COA1: variants seen among roughly 807,000 people sequenced by gnomAD.
COA1 encodes the protein cytochrome c oxidase assembly factor 1 homolog.
In COA1, 13 loss-of-function variants were observed where a neutral mutation model predicts 16.0. That is an observed-to-expected ratio of 0.81 (90% CI 0.53 to 1.29). The LOEUF (loss-of-function observed/expected upper bound fraction) is 1.29, where lower values mean the gene tolerates loss of function less well. COA1 is among the 50% of genes most tolerant of loss of function. The pLI, the probability that COA1 is intolerant of heterozygous loss-of-function variation, is 0.00. For synonymous variants in COA1, 65 were observed against 65.7 expected (o/e 0.99, Z 0.05); for missense variants, 179 against 177.0 (o/e 1.01, Z -0.06).
intron 1 of COA1, among the ~76,000 whole-genome samples, chr7:43,726,131 C>T (rs2095612028): frequency 6.6e-6 from 1 of 151,982 alleles, no homozygotes; most frequent in African/African-American, 2.4e-5. Context: ...GCATATGAAA[C>T]ATGAACAAGA....
chr7:43,667,340 T>C (rs755103174), intron 1 of COA1, among the ~76,000 whole-genome samples: 3 of 152,222 alleles, frequency 2.0e-5, no homozygotes, highest in African/African-American at 4.8e-5. Context: ...AAAAGATTAT[T>C]TGACATGTTT....
At chr7:43,646,419 C>T in intron 3 of COA1, 1 of 377,116 alleles carries the variant, frequency 2.7e-6, no homozygotes, top group Admixed American at 3.1e-5. Flanking sequence ...CATACACAAG[C>T]ACTAACATTA....
chr7:43,709,434 T>TG (rs2095131919), intron 1 of COA1, among the ~76,000 whole-genome samples: 7 of 144,894 alleles, frequency 4.8e-5, no homozygotes, highest in African/African-American at 1.3e-4. Context: ...CTTTGTTTTA[T>TG]TGTGTGTGTG....
intron 6 of COA1, among the ~76,000 whole-genome samples, chr7:43,634,110 T>C (rs758846052): frequency 1.3e-5 from 2 of 152,196 alleles, no homozygotes; most frequent in Non-Finnish European, 2.9e-5. Context: ...TCATGATTGC[T>C]CACTGAATCT....
At chr7:43,685,277 G>C (rs1385840452) in intron 1 of COA1, among the ~76,000 whole-genome samples, 1 of 152,140 alleles carries the variant, frequency 6.6e-6, no homozygotes, top group Non-Finnish European at 1.5e-5. Flanking sequence ...CTCTGGAAGA[G>C]GCAAAGGGGT....
In COA1 at chr7:43,709,433, A is replaced by ATTGT. The variant is rs1554557739; in HGVS notation, c.-39+19992_-39+19995dup. On this transcript the variant is annotated intron_variant, in intron 1 of 5. Transcript: ENST00000223336. ...TACAGGTCTTGATTCACTTTGTTTT[A>ATTGT]TTGTGTGTGTGTGTGTGTGTGTGTG... is the stretch of plus-strand genomic sequence containing the variant. 7.0e-5 allele frequency among the ~76,000 whole-genome samples: 6 copies of ATTGT among 85,300 alleles called. No individual in the cohort carries two copies. In the South Asian group the frequency reaches 2.4e-3, roughly 34 times the overall value. The allele number at this position is 85,300 out of a possible 152,430, so 56.0% of individuals were successfully genotyped here.
intron 1 of COA1, among the ~76,000 whole-genome samples, chr7:43,655,417 G>A (rs1292219121): frequency 2.0e-5 from 3 of 152,130 alleles, no homozygotes; most frequent in Non-Finnish European, 4.4e-5. Flanking sequence ...TTGGGAGGCC[G>A]AGGCAGGCAG....
chr7:43,644,755 TAGATAGGCAGGCAGGCAGGC>T (rs1263709262), intron 4 of COA1, among the ~76,000 whole-genome samples: 1 of 115,414 alleles, frequency 8.7e-6, no homozygotes, highest in African/African-American at 3.8e-5. Context: ...GATAGATAGA[TAGATAGGCAGGCAGGCAGGC>T]AGGCAGGCAG....
At chr7:43,712,412 T>C (rs950574870) in intron 1 of COA1, among the ~76,000 whole-genome samples, 5 of 152,132 alleles carry the variant, frequency 3.3e-5, no homozygotes, top group African/African-American at 1.2e-4. Context: ...TACACTCATA[T>C]TCCTCCAGAA....
At chr7:43,719,629 G>A (rs2132075597) in intron 1 of COA1, among the ~76,000 whole-genome samples, 1 of 152,260 alleles carries the variant, frequency 6.6e-6, no homozygotes, top group East Asian at 1.9e-4. Flanking sequence ...TCTGTACTCA[G>A]GTGTGCATTT....
At chr7:43,613,167 A>AAT (rs1372055253) in intron 6 of COA1, among the ~76,000 whole-genome samples, 1 of 152,190 alleles carries the variant, frequency 6.6e-6, no homozygotes, top group Non-Finnish European at 1.5e-5. Flanking sequence ...GTCTTTCAGC[A>AAT]GTGTTAGTAC....
At chr7:43,660,287 G>C (rs1289311688) in intron 1 of COA1, among the ~76,000 whole-genome samples, 1 of 151,946 alleles carries the variant, frequency 6.6e-6, no homozygotes, top group Non-Finnish European at 1.5e-5. Flanking sequence ...GAAATTCCTA[G>C]TAAATACTTC....
chr7:43,646,620 T>C, intron 3 of COA1: 1 of 456,716 alleles, frequency 2.2e-6, no homozygotes, highest in Non-Finnish European at 4.4e-6. Context: ...AGCTGAACCC[T>C]GACCCAAAAG....
intron 1 of COA1, among the ~76,000 whole-genome samples, chr7:43,697,902 G>A (rs547751423): frequency 3.3e-5 from 5 of 152,178 alleles, no homozygotes; most frequent in Non-Finnish European, 7.3e-5. Flanking sequence ...AGACTCATGT[G>A]AGCATCTAAA....
intron 1 of COA1, chr7:43,649,023 G>A (rs2214995): frequency 0.82 from 154,282 of 187,678 alleles, 63,858 homozygotes; most frequent in African/African-American, 0.94. Flanking sequence ...AAAGCTGTAC[G>A]TGACAGAGTG....
At chr7:43,694,348 A>C (rs2094466290) in intron 1 of COA1, among the ~76,000 whole-genome samples, 1 of 151,894 alleles carries the variant, frequency 6.6e-6, no homozygotes, top group Non-Finnish European at 1.5e-5. Context: ...CTCTTCAAAA[A>C]TAATGTCTAT....
chr7:43,681,778 G>C (rs1311285599), intron 1 of COA1, among the ~76,000 whole-genome samples: 2 of 152,112 alleles, frequency 1.3e-5, no homozygotes, highest in Non-Finnish European at 2.9e-5. Flanking sequence ...CTCATATTAT[G>C]AGAATTCATT....
chr7:43,667,815 T>C (rs2092983006), intron 1 of COA1, among the ~76,000 whole-genome samples: 1 of 152,250 alleles, frequency 6.6e-6, no homozygotes. Context: ...GCAATATTGC[T>C]GATCCTTGTT....
intron 1 of COA1, among the ~76,000 whole-genome samples, chr7:43,723,697 T>C (rs1411903971): frequency 2.0e-5 from 3 of 150,614 alleles, no homozygotes; most frequent in African/African-American, 4.9e-5. Context: ...GAGGCTGAGG[T>C]GGGCGGATCG....
Sources: gnomAD v4.1 joint callset for allele counts (sites outside exome capture counted in the v4.1 genomes callset) on GRCh38, gnomAD v4.1.1 for gene constraint, MANE v1.5 for transcripts, NCBI Gene and HGNC (gene_info 2026-07-23, HGNC 2026-07-21) for gene names.